Variants in UGT1A9 observed in about 807,000 individuals in gnomAD.
UGT1A9 encodes UDP glucuronosyltransferase family 1 member A9.
In UGT1A9, 35 loss-of-function variants were observed where a neutral mutation model predicts 45.0. That is an observed-to-expected ratio of 0.78 (90% CI 0.59 to 1.03). The LOEUF is 1.03. Ranked by LOEUF, UGT1A9 falls within the 50% of genes least tolerant of loss-of-function variation. UGT1A9 has a pLI of 0.00. For missense variants in UGT1A9, 687 were observed against 666.6 expected (o/e 1.03, Z -0.34); for synonymous variants, 278 against 250.6 (o/e 1.11, Z -1.03).
chr2:233,717,714 T>G, intron 1 of UGT1A9: 2 of 453,348 alleles, frequency 4.4e-6, no homozygotes, highest in South Asian at 1.6e-5. Flanking sequence ...ACGAGCCTCA[T>G]GGGCATGAGA....
intron 1 of UGT1A9, chr2:233,682,206 T>C (rs1290794027): frequency 6.2e-7 from 1 of 1,614,224 alleles, no homozygotes; most frequent in Middle Eastern, 1.7e-4. Flanking sequence ...GACCGGGAGT[T>C]CATGGTTTTT....
rs780825518 is a variant in UGT1A9 at position 233,682,195 on chromosome 2, G to C, written c.855+9406G>C. 4 of 1,614,214 alleles carry C rather than the reference G, an allele frequency of 2.5e-6. No homozygotes were observed. In the South Asian group the frequency reaches 3.3e-5, roughly 13 times the overall value. On this transcript the variant is annotated intron_variant, in intron 1 of 4. Transcript: ENST00000354728. ...CAACCTCATACACTCTGGAGGATCA[G>C]GACCGGGAGTTCATGGTTTTTGCCG...
chr2:233,709,011 A>G (rs1288897018), intron 1 of UGT1A9, among the ~76,000 whole-genome samples: 1 of 152,062 alleles, frequency 6.6e-6, no homozygotes, highest in East Asian at 1.9e-4. Context: ...GTGTCATAAT[A>G]CCCAAGCAGC....
chr2:233,677,263 T>G (rs1468746894), intron 1 of UGT1A9, among the ~76,000 whole-genome samples: 1 of 152,192 alleles, frequency 6.6e-6, no homozygotes, highest in Non-Finnish European at 1.5e-5. Context: ...TATCCCTAAG[T>G]ATATCATGTT....
chr2:233,701,897 G>T (rs1185390502), intron 1 of UGT1A9, among the ~76,000 whole-genome samples: 1 of 152,020 alleles, frequency 6.6e-6, no homozygotes, highest in Non-Finnish European at 1.5e-5. Flanking sequence ...AAGCAGAAAA[G>T]ATCTAAAATT....
At chr2:233,763,879 G>A (rs983056292) in intron 1 of UGT1A9, among the ~76,000 whole-genome samples, 2 of 152,162 alleles carry the variant, frequency 1.3e-5, no homozygotes, top group South Asian at 2.1e-4. Flanking sequence ...CTGGGTCTGA[G>A]AAAAATAACT....
Position 233,772,257 on chromosome 2 carries a change from T to C in UGT1A9, c.1296-5T>C. ...CAGGCATAACGAAACTGTCTTTGTGTTTAGTTACAAGGAGAACATCATGCG... is the reference window on the plus strand; with the variant it reads ...CAGGCATAACGAAACTGTCTTTGTGCTTAGTTACAAGGAGAACATCATGCG... On this transcript the variant is annotated splice_polypyrimidine_tract_variant and splice_region_variant and intron_variant, in intron 4 of 4. Transcript: ENST00000354728. 2 of 1,614,220 alleles carry C rather than the reference T, an allele frequency of 1.2e-6. No individual in the cohort carries two copies. Among genetic ancestry groups the C allele is most frequent in the Non-Finnish European group, 1.7e-6 (2 of 1,180,042 alleles).
intron 1 of UGT1A9, among the ~76,000 whole-genome samples, chr2:233,696,800 T>C (rs1221505832): frequency 1.3e-5 from 2 of 152,202 alleles, no homozygotes; most frequent in East Asian, 3.8e-4. Context: ...GTATGTTCCT[T>C]CTGTAGCCAG....
chr2:233,710,061 T>A (rs1192849340), intron 1 of UGT1A9, among the ~76,000 whole-genome samples: 1 of 152,254 alleles, frequency 6.6e-6, no homozygotes. Context: ...CTCGGCATAA[T>A]GTCTCTTCAG....
rs2074503154 is a variant in UGT1A9 at position 233,680,937 on chromosome 2, A to G, written c.855+8148A>G. On this transcript the variant is annotated intron_variant, in intron 1 of 4. Transcript: ENST00000354728. ...TGAGGAAAGCCATTTAAAATAGGTGACAGTCACATTCCATCAAATTTCTGG... is the reference window on the plus strand; with the variant it reads ...TGAGGAAAGCCATTTAAAATAGGTGGCAGTCACATTCCATCAAATTTCTGG... Among the ~76,000 whole-genome samples, 3 of 152,126 alleles carry G rather than the reference A, an allele frequency of 2.0e-5. No homozygotes were observed. The South Asian group carries it at 6.2e-4, about 32-fold the overall frequency.
At chr2:233,725,992 T>C (rs1189472170) in intron 1 of UGT1A9, among the ~76,000 whole-genome samples, 2 of 152,010 alleles carry the variant, frequency 1.3e-5, no homozygotes, top group Admixed American at 6.6e-5. Context: ...GTGCTGAGAC[T>C]GCATCTCTAC....
intron 1 of UGT1A9, among the ~76,000 whole-genome samples, chr2:233,680,971 A>C (rs1156582605): frequency 6.6e-6 from 1 of 152,056 alleles, no homozygotes; most frequent in Non-Finnish European, 1.5e-5. Context: ...GGAAGGGTCC[A>C]TGGAGGCAGG....
At chr2:233,754,937 G>A in intron 1 of UGT1A9, 1 of 1,338,066 alleles carries the variant, frequency 7.5e-7, no homozygotes, top group Non-Finnish European at 1.0e-6. Flanking sequence ...AGAGGTCAAA[G>A]GAGAATGGGT....
chr2:233,731,513 C>A (rs972587345), intron 1 of UGT1A9, among the ~76,000 whole-genome samples: 1 of 152,148 alleles, frequency 6.6e-6, no homozygotes, highest in Non-Finnish European at 1.5e-5. Flanking sequence ...CAGTTCCCAC[C>A]TATGAGTGAG....
At chr2:233,728,657 C>A (rs541048622) in intron 1 of UGT1A9, among the ~76,000 whole-genome samples, 28 of 152,298 alleles carry the variant, frequency 1.8e-4, no homozygotes, top group African/African-American at 6.5e-4. Flanking sequence ...TTTGGATGCG[C>A]TGCGTTACTC....
chr2:233,700,370 G>A (rs947841923), intron 1 of UGT1A9, among the ~76,000 whole-genome samples: 2 of 152,050 alleles, frequency 1.3e-5, no homozygotes, highest in African/African-American at 2.4e-5. Context: ...TGATTATCTG[G>A]GGCATTTCCA....
At chr2:233,719,343 T>A (rs532530633) in intron 1 of UGT1A9, 40 of 1,613,928 alleles carry the variant, frequency 2.5e-5, no homozygotes, top group Middle Eastern at 1.7e-4. Flanking sequence ...TTTTTGGAGG[T>A]ACATTCCATG....
intron 1 of UGT1A9, among the ~76,000 whole-genome samples, chr2:233,724,946 C>T (rs1421347433): frequency 3.5e-5 from 5 of 144,538 alleles, no homozygotes; most frequent in African/African-American, 5.3e-5. Flanking sequence ...TCTGCAATCC[C>T]GGCACCTCGG....
Position 233,772,689 on chromosome 2 carries a change from A to G in UGT1A9, c.*130A>G. ...CTTTGCATAAATTAATCAGCCCCAG[A>G]GTGCTTTAAAAAATTCTCTTAAATA... On this transcript the variant is annotated 3_prime_UTR_variant, in exon 5 of 5. Transcript: ENST00000354728. 6.7e-7 allele frequency: 1 copy of G among 1,492,458 alleles called. No homozygotes were observed. Among genetic ancestry groups the G allele is most frequent in the Non-Finnish European group, 8.9e-7 (1 of 1,128,008 alleles). The allele number at this position is 1,492,458 out of a possible 1,614,324, so 92.5% of individuals were successfully genotyped here. A position where few individuals can be genotyped will look rare whatever the true frequency, so the allele number is the denominator to read the frequency against.
Sources: allele counts gnomAD v4.1 joint callset (sites outside exome capture counted in the v4.1 genomes callset), GRCh38; gene constraint gnomAD v4.1.1; transcripts MANE v1.5; gene names NCBI Gene and HGNC (gene_info 2026-07-23, HGNC 2026-07-21).